The following CEP350 variants were observed in gnomAD, a reference collection of about 807,000 sequenced individuals.
CEP350 encodes the protein centrosomal protein 350.
CEP350 carries 126 observed loss-of-function variants against 331.8 expected under a neutral mutation model. The observed-to-expected ratio is 0.38, with a 90% CI of 0.33 to 0.44. The LOEUF is 0.44. Ranked by LOEUF, CEP350 falls within the 20% of genes least tolerant of loss-of-function variation. The pLI, the probability that CEP350 is intolerant of heterozygous loss-of-function variation, is 1.00. For missense variants in CEP350, 3,406 were observed against 3,634.6 expected, an observed-to-expected ratio of 0.94 and a Z score of 1.62; for synonymous variants, 1,200 against 1,259.5, an observed-to-expected ratio of 0.95 and a Z score of 1.00.
rs781251198 is a variant in CEP350 at position 179,996,873 on chromosome 1, C to T, written c.716C>T (p.Ser239Phe). 6.2e-7 allele frequency: 1 copy of T among 1,613,924 alleles called. No individual in the cohort carries two copies. The highest frequency in any genetic ancestry group is 1.1e-5 in the South Asian group (1 of 91,076). ...TKGSENNLKL[S>F]VNNMAHDTDP... ...GGAAGTGAGAATAATTTGAAGCTTT[C>T]TGTGAATAACATGGCCCATGATACT... Residue 239 changes from serine (S) to phenylalanine (F), a missense_variant, in exon 6 of 38, where the codon TCT becomes TTT. By Grantham distance (155) the Ser-to-Phe change is radical. This residue lies in a region of CEP350 where 1,857 missense variants were observed against 1,909.2 expected (regional missense o/e 0.97). Transcript: ENST00000367607.
chr1:179,961,189 T>TAA (rs917558240), intron 1 of CEP350, among the ~76,000 whole-genome samples: 15 of 152,318 alleles, frequency 9.8e-5, no homozygotes, highest in Admixed American at 9.2e-4. Context: ...CTCATGCCTA[T>TAA]AATGCCAGCA....
At chr1:180,068,593 A>T (rs1658688372) in intron 27 of CEP350, among the ~76,000 whole-genome samples, 1 of 152,206 alleles carries the variant, frequency 6.6e-6, no homozygotes, top group Non-Finnish European at 1.5e-5. Flanking sequence ...GTTCCTGTTT[A>T]TGGAACAAGT....
intron 31 of CEP350, 42 bp downstream of exon 31, chr1:180,084,220 T>G: frequency 6.7e-7 from 1 of 1,495,496 alleles, no homozygotes; most frequent in Non-Finnish European, 8.9e-7. Context: ...AAGGCTAATG[T>G]GTATGTGACG....
rs1367022287 is a variant in CEP350 at position 180,093,352 on chromosome 1, C to T, written c.7247C>T (p.Pro2416Leu). 1.9e-6 allele frequency: 3 copies of T among 1,600,314 alleles called. No individual in the cohort carries two copies. The highest frequency in any genetic ancestry group is 3.5e-5 in the Admixed American group (2 of 57,538). ...RKDSQSCRDK[P>L]QPMRSSTSGA... The stretch of plus-strand genomic sequence containing the variant: ...GACTCTCAGTCTTGCAGAGATAAGC[C>T]ACAGCCAATGAGGAGCTCTACAAGT... Residue 2416 changes from proline (P) to leucine (L), a missense_variant, in exon 34 of 38, where the codon CCA becomes CTA. Transcript: ENST00000367607.
rs1652393935 is a variant in CEP350, at chr1:179,983,034, C to T, written c.-13-3135C>T. 2.0e-5 allele frequency among the ~76,000 whole-genome samples: 3 copies of T among 151,990 alleles called. No individual in the cohort carries two copies. In the South Asian group the frequency reaches 6.2e-4, roughly 32 times the overall value. Reference sequence around the variant, plus strand: ...TTGATCTCTTGACCTCATGATCCACCTCCTGCGGCCTCCCAAAGTGCTGGG... The same window carrying T: ...TTGATCTCTTGACCTCATGATCCACTTCCTGCGGCCTCCCAAAGTGCTGGG... On this transcript the variant is annotated intron_variant, in intron 1 of 37. Transcript: ENST00000367607.
chr1:180,103,027 C>T (rs904579728), intron 37 of CEP350, among the ~76,000 whole-genome samples: 4 of 151,956 alleles, frequency 2.6e-5, no homozygotes, highest in African/African-American at 4.8e-5. Flanking sequence ...AGAGGTGTTC[C>T]GAAAAAGGAA....
intron 19 of CEP350, 71 bp downstream of exon 19, chr1:180,041,873 A>T: frequency 7.2e-7 from 1 of 1,388,764 alleles, no homozygotes; most frequent in Non-Finnish European, 9.9e-7. Context: ...ATCTTCAGTA[A>T]TGGGTTTCTA....
intron 37 of CEP350, among the ~76,000 whole-genome samples, chr1:180,109,240 T>C (rs750816465): frequency 2.0e-5 from 3 of 150,934 alleles, no homozygotes; most frequent in Non-Finnish European, 4.4e-5. Flanking sequence ...TGCCTCAGCC[T>C]CTCTGAGTAG....
rs142070645 is a variant in CEP350 at position 180,096,223 on chromosome 1, G to A, written c.9066+39G>A. On this transcript the variant is annotated intron_variant, in intron 36 of 37. Coordinates refer to ENST00000367607, the MANE Select transcript of CEP350 (RefSeq NM_014810.5). The stretch of plus-strand genomic sequence containing the variant: ...TATAAAGTGTCTTCTTTTTTGACTT[G>A]CTGTTCATTTACACATATCTGTAAA... 767 of 1,517,072 alleles carry A rather than the reference G, an allele frequency of 5.1e-4. No homozygotes were observed. In the African/African-American group the frequency reaches 9.6e-3, roughly 19 times the overall value. 94.0% of individuals were successfully genotyped at this position (1,517,072 alleles called of 1,614,324 possible).
chr1:179,981,966 C>G (rs778645412), intron 1 of CEP350, among the ~76,000 whole-genome samples: 1 of 152,118 alleles, frequency 6.6e-6, no homozygotes, highest in Non-Finnish European at 1.5e-5. Flanking sequence ...CACTACTACA[C>G]TCCAGCCTGG....
At chr1:180,077,266 A>G (rs1640029356) in intron 28 of CEP350, among the ~76,000 whole-genome samples, 2 of 152,182 alleles carry the variant, frequency 1.3e-5, no homozygotes, top group African/African-American at 4.8e-5. Context: ...AAAAAGATAC[A>G]AATAGAAACA....
chr1:180,027,438 G>A (rs1043726865), intron 14 of CEP350, among the ~76,000 whole-genome samples: 8 of 152,160 alleles, frequency 5.3e-5, no homozygotes, highest in Non-Finnish European at 1.0e-4. Context: ...GAGTACAGTG[G>A]TGTGATCACG....
At chr1:180,007,959 C>T (rs1300915032) in intron 8 of CEP350, among the ~76,000 whole-genome samples, 1 of 150,414 alleles carries the variant, frequency 6.6e-6, no homozygotes, top group African/African-American at 2.4e-5. Context: ...ATCCACGAAA[C>T]CATTTGTTCA....
rs536980688 is a variant in CEP350 at position 180,113,463 on chromosome 1, A to C, written c.*2302A>C. ...AGAATGTGGCAGTAGCTGTCCTGAC[A>C]GACTCCAACTGTCTTTACTATCTGA... is the stretch of plus-strand genomic sequence containing the variant. On this transcript the variant is annotated 3_prime_UTR_variant, in exon 38 of 38. Coordinates refer to ENST00000367607, the MANE Select transcript of CEP350 (RefSeq NM_014810.5). The C allele has an allele frequency of 1.3e-5, 2 of 152,192 alleles. No individual in the cohort carries two copies. The highest frequency in any genetic ancestry group is 2.9e-5 in the Non-Finnish European group (2 of 68,032). 9.4% of individuals were successfully genotyped at this position (152,192 alleles called of 1,614,324 possible).
At position 179,954,946 on chromosome 1, in the gene CEP350, C is replaced by T; in HGVS notation, c.-210C>T. On this transcript the variant is annotated 5_prime_UTR_variant, in exon 1 of 38. Transcript: ENST00000367607. ...GTGGCTTGCCCTGAGGGAGGGGAGG[C>T]AGCCTTTCCGCCTTGTCTTCCTTCC... 1 of 1,004,610 alleles carries T rather than the reference C, an allele frequency of 1.0e-6. No homozygotes were observed. Among genetic ancestry groups the T allele is most frequent in the Non-Finnish European group, 1.3e-6 (1 of 751,226 alleles). The allele number at this position is 1,004,610 out of a possible 1,614,324, so 62.2% of individuals were successfully genotyped here.
chr1:180,039,576 A>G (rs751151227), intron 17 of CEP350, among the ~76,000 whole-genome samples: 14 of 152,156 alleles, frequency 9.2e-5, no homozygotes, highest in Non-Finnish European at 5.9e-5. Context: ...TAAGTGATCA[A>G]TTATGTGTAG....
chr1:180,034,139 C>A, intron 16 of CEP350, 57 bp downstream of exon 16: 1 of 1,526,614 alleles, frequency 6.6e-7, no homozygotes, highest in South Asian at 1.2e-5. Context: ...TTTTTTCTCT[C>A]AACATTCCTT....
intron 25 of CEP350, among the ~76,000 whole-genome samples, chr1:180,056,341 A>G (rs759912356): frequency 1.5e-4 from 23 of 152,098 alleles, no homozygotes; most frequent in South Asian, 1.2e-3. Flanking sequence ...TAGTTTTACT[A>G]TGATGCATGT....
At chr1:180,019,460 G>A (rs918510569) in intron 11 of CEP350, among the ~76,000 whole-genome samples, 6 of 152,062 alleles carry the variant, frequency 3.9e-5, no homozygotes, top group Non-Finnish European at 8.8e-5. Flanking sequence ...AAACATAAGT[G>A]TTCAGCATAT....
Sources: gnomAD v4.1 joint callset for allele counts (sites outside exome capture counted in the v4.1 genomes callset) on GRCh38, gnomAD v4.1.1 for gene constraint, gnomAD v4.1.1 regional missense constraint, MANE v1.5 for transcripts, NCBI Gene and HGNC (gene_info 2026-07-23, HGNC 2026-07-21) for gene names.